Variants in DBH observed in about 807,000 individuals in gnomAD.
DBH encodes dopamine beta-hydroxylase.
A neutral mutation model predicts 64.0 loss-of-function variants in DBH; 49 were observed. That is an observed-to-expected ratio of 0.77 (90% CI 0.61 to 0.97). DBH has a LOEUF of 0.97. DBH is among the 50% of genes least tolerant of loss of function. DBH has a pLI of 0.00. For missense variants in DBH, 828 were observed against 826.6 expected (o/e 1.00, Z -0.02); for synonymous variants, 343 against 347.1 (o/e 0.99, Z 0.13).
At chr9:133,651,948 G>A (rs953014325) in intron 7 of DBH, among the ~76,000 whole-genome samples, 171 bp downstream of exon 7, 1 of 152,084 alleles carries the variant, frequency 6.6e-6, no homozygotes, top group Non-Finnish European at 1.5e-5. Flanking sequence ...TTGGGTGTCT[G>A]GTGTCTGATC....
At chr9:133,657,277 TGGGG>T (rs570695563) in intron 11 of DBH, 48 bp downstream of exon 11, 3 of 1,609,838 alleles carry the variant, frequency 1.9e-6, no homozygotes, top group Non-Finnish European at 2.5e-6. Context: ...GCAGGCCTCA[TGGGG>T]GGCCCCAGTG....
chr9:133,644,538 G>A (rs1200414966), intron 5 of DBH, among the ~76,000 whole-genome samples: 2 of 152,208 alleles, frequency 1.3e-5, no homozygotes, highest in East Asian at 1.9e-4. Context: ...TCACAGCTTC[G>A]CCAGGGCCCA....
intron 6 of DBH, among the ~76,000 whole-genome samples, 182 bp from the exon 7 acceptor site, chr9:133,651,452 C>T (rs1189145793): frequency 6.6e-6 from 1 of 152,218 alleles, no homozygotes; most frequent in African/African-American, 2.4e-5. Flanking sequence ...GCGGCCCCCT[C>T]GCTCTTCCCC....
At chr9:133,657,362 G>A (rs1832337790) in intron 11 of DBH, 133 bp downstream of exon 11, 3 of 1,092,324 alleles carry the variant, frequency 2.7e-6, no homozygotes, top group African/African-American at 1.6e-5. Context: ...CAAGTGCCAG[G>A]TGGTGACACA....
intron 8 of DBH, 152 bp from the exon 9 acceptor site, chr9:133,652,788 A>G (rs1832266474): frequency 2.9e-6 from 2 of 685,826 alleles, no homozygotes; most frequent in Non-Finnish European, 5.3e-6. Context: ...ACCTTCGCAC[A>G]TGAATCTGCT....
At chr9:133,653,288 T>C (rs1412451009) in intron 9 of DBH, among the ~76,000 whole-genome samples, 2 of 151,982 alleles carry the variant, frequency 1.3e-5, no homozygotes, top group Non-Finnish European at 2.9e-5. Flanking sequence ...CTGCTCAAGG[T>C]TGAGAAGCAC....
In DBH at chr9:133,658,653, T is replaced by A; in HGVS notation, c.*206T>A. On this transcript the variant is annotated 3_prime_UTR_variant, in exon 12 of 12. Coordinates refer to ENST00000393056, the MANE Select transcript of DBH (RefSeq NM_000787.4). ...TGGCTGAGAGGGTGTGGGTGCCCTG[T>A]TGACCTACCCTGGACCGAGTGGACC... 1.7e-6 allele frequency: 1 copy of A among 579,562 alleles called. No individual in the cohort carries two copies. The highest frequency in any genetic ancestry group is 2.7e-5 in the South Asian group (1 of 37,480). The allele number at this position is 579,562 out of a possible 1,614,324, so 35.9% of individuals were successfully genotyped here.
At position 133,643,075 on chromosome 9, in the gene DBH, C is replaced by T. The variant is rs1394874949; in HGVS notation, c.745-338C>T. Among the ~76,000 whole-genome samples the T allele has an allele frequency of 2.0e-5, 3 of 152,156 alleles. No homozygotes were observed. The highest frequency in any genetic ancestry group is 6.5e-5 in the Admixed American group (1 of 15,286). The stretch of plus-strand genomic sequence containing the variant: ...AGGAAGAGGCATGGCCTTGAAGGTG[C>T]GCTTTGGGCCCGGGCTCTAACCTCA... On this transcript the variant is annotated intron_variant, in intron 3 of 11. Coordinates refer to ENST00000393056, the MANE Select transcript of DBH (RefSeq NM_000787.4). The surrounding 1 kb of genome is among the most constrained non-coding windows in gnomAD (Gnocchi z 5.3).
chr9:133,656,449 G>T, intron 9 of DBH, 74 bp from the exon 10 acceptor site: 1 of 1,604,784 alleles, frequency 6.2e-7, no homozygotes, highest in South Asian at 1.1e-5. Flanking sequence ...GTACACGTGG[G>T]TGCGGCGAAA....
Position 133,649,777 on chromosome 9 carries a change from G to A in DBH, c.1191+1765G>A, listed in dbSNP as rs2283122. ...ATGGGGAAGAGCGGCTTCCGGCCAG[G>A]CAGCACTCACTGCCCCTTGCAGGGC... On this transcript the variant is annotated intron_variant, in intron 6 of 11. Coordinates refer to ENST00000393056, the MANE Select transcript of DBH (RefSeq NM_000787.4). 2.3e-3 allele frequency among the ~76,000 whole-genome samples: 353 copies of A among 152,304 alleles called. 3 individuals are homozygous for A. The East Asian group carries it at 0.036, about 15-fold the overall frequency.
At chr9:133,647,428 G>A (rs544589805) in intron 5 of DBH, among the ~76,000 whole-genome samples, 3 of 152,292 alleles carry the variant, frequency 2.0e-5, no homozygotes, top group South Asian at 4.1e-4. Context: ...TCCTTTGAAC[G>A]TGGAAGAAGA....
intron 9 of DBH, chr9:133,655,471 C>T (rs1832305048): frequency 6.6e-6 from 1 of 152,220 alleles, no homozygotes; most frequent in Admixed American, 6.5e-5. Flanking sequence ...GGAATCCGGC[C>T]CAGAGAACAA....
chr9:133,647,618 G>A (rs938858183), intron 5 of DBH, among the ~76,000 whole-genome samples: 8 of 152,214 alleles, frequency 5.3e-5, no homozygotes, highest in African/African-American at 1.9e-4. Context: ...TCTTCCCAGT[G>A]AGTGTAGCCT....
rs778693307 is a variant in DBH at position 133,658,792 on chromosome 9, T to C, written c.*345T>C. The C allele has an allele frequency of 3.9e-5, 7 of 179,620 alleles. No individual in the cohort carries two copies. The highest frequency in any genetic ancestry group is 8.1e-5 in the Non-Finnish European group (7 of 86,266). 11.1% of individuals were successfully genotyped at this position (179,620 alleles called of 1,614,324 possible). ...GCCTCACTGGGTGTGGCCTGGCTTC[T>C]GGGACAGGCACCATGCTGGGCCGGG... is the stretch of plus-strand genomic sequence containing the variant. On this transcript the variant is annotated 3_prime_UTR_variant, in exon 12 of 12. Transcript: ENST00000393056.
rs562042962 is a variant in DBH at position 133,636,487 on chromosome 9, G to T, written c.116G>T (p.Gly39Val). ...FLVILVAALQGSAPRESPLPY... is the reference protein window; with the variant it reads ...FLVILVAALQVSAPRESPLPY... ...GTCATCCTGGTGGCCGCACTGCAGG[G>T]CTCGGCTCCCCGTGAGAGCCCCCTC... The change falls in exon 1 of 12, where the codon GGC becomes GTC. Residue 39 changes from glycine to valine, a missense_variant. Physicochemically the swap from Gly to Val is moderately radical, Grantham distance 109. Coordinates refer to ENST00000393056, the MANE Select transcript of DBH (RefSeq NM_000787.4). 7 of 1,613,260 alleles carry T rather than the reference G, an allele frequency of 4.3e-6. No homozygotes were observed. The highest frequency in any genetic ancestry group is 5.9e-6 in the Non-Finnish European group (7 of 1,179,982).
chr9:133,654,934 G>GC (rs1199021045), intron 9 of DBH: 3 of 152,350 alleles, frequency 2.0e-5, no homozygotes, highest in Admixed American at 6.5e-5. Context: ...TGCAGGCGCG[G>GC]CCCCGGGGCC....
chr9:133,642,098 G>A, intron 2 of DBH, 109 bp from the exon 3 acceptor site: 4 of 1,445,908 alleles, frequency 2.8e-6, no homozygotes, highest in Non-Finnish European at 3.8e-6. Flanking sequence ...AGATGAGAGT[G>A]AGGTGTGTCA....
At chr9:133,651,598 G>T (rs773482240) in intron 6 of DBH, 36 bp from the exon 7 acceptor site, 2 of 1,611,992 alleles carry the variant, frequency 1.2e-6, no homozygotes, top group East Asian at 4.5e-5. Flanking sequence ...CCCCTCGGGG[G>T]TCAGGCCCTG....
chr9:133,641,715 C>A (rs1832118144), intron 2 of DBH, among the ~76,000 whole-genome samples: 1 of 152,212 alleles, frequency 6.6e-6, no homozygotes, highest in South Asian at 2.1e-4. Flanking sequence ...TCCCCTCCTG[C>A]CAAGCTGGTG....
Sources: gnomAD v4.1 joint callset for allele counts (sites outside exome capture counted in the v4.1 genomes callset) on GRCh38, gnomAD v4.1.1 for gene constraint, Gnocchi (gnomAD v3.1) non-coding constraint, MANE v1.5 for transcripts, NCBI Gene and HGNC (gene_info 2026-07-23, HGNC 2026-07-21) for gene names.